The following KSR2 variants were observed in gnomAD, a reference collection of about 807,000 sequenced individuals.
KSR2 encodes kinase suppressor of ras 2.
Under a neutral mutation model 107.8 loss-of-function variants are expected in KSR2, and 25 were observed. That is an observed-to-expected ratio of 0.23 (90% CI 0.17 to 0.32). The LOEUF (loss-of-function observed/expected upper bound fraction) is 0.32, where lower values mean the gene tolerates loss of function less well. KSR2 is among the 10% of genes least tolerant of loss of function. The probability of loss-of-function intolerance (pLI) is 1.00; values close to 1 mark genes in which losing one functional copy is unlikely to be tolerated. For synonymous variants in KSR2, 480 were observed against 507.0 expected (o/e 0.95, Z 0.71); for missense variants, 887 against 1,268.9 (o/e 0.70, Z 4.57).
At chr12:117,543,077 G>A (rs1310636111) in intron 9 of KSR2, among the ~76,000 whole-genome samples, 1 of 152,174 alleles carries the variant, frequency 6.6e-6, no homozygotes, top group East Asian at 1.9e-4. Flanking sequence ...GGATAAAGCT[G>A]CTATAAACAT....
chr12:117,962,540 G>A (rs1173523665), intron 1 of KSR2, among the ~76,000 whole-genome samples: 1 of 151,620 alleles, frequency 6.6e-6, no homozygotes, highest in African/African-American at 2.4e-5. Context: ...CACCTCCCAG[G>A]TTCAAGTGAT....
intron 1 of KSR2, among the ~76,000 whole-genome samples, chr12:117,928,360 T>C (rs943374760): frequency 2.6e-5 from 4 of 152,050 alleles, no homozygotes; most frequent in African/African-American, 7.2e-5. Flanking sequence ...TTTTTTGTAA[T>C]TTTAGTAGAG....
At chr12:117,480,021 CATGTGTATGTGT>C (rs1565865826) in intron 16 of KSR2, among the ~76,000 whole-genome samples, 1 of 108,786 alleles carries the variant, frequency 9.2e-6, no homozygotes, top group African/African-American at 3.4e-5. Context: ...AATCATTACA[CATGTGTATGTGT>C]GTGTGTGTGT....
At chr12:117,895,198 C>T (rs528410215) in intron 1 of KSR2, among the ~76,000 whole-genome samples, 1 of 152,268 alleles carries the variant, frequency 6.6e-6, no homozygotes, top group South Asian at 2.1e-4. Flanking sequence ...GATCACACCA[C>T]TGCACTCCAG....
At chr12:117,523,770 C>T (rs1874924708) in intron 14 of KSR2, among the ~76,000 whole-genome samples, 1 of 152,178 alleles carries the variant, frequency 6.6e-6, no homozygotes, top group Non-Finnish European at 1.5e-5. Context: ...GTCAGGTGAA[C>T]AAGACCAGCC....
At chr12:117,573,833 ATCACACGTTATCATTTGGTC>A (rs1879068522) in intron 7 of KSR2, among the ~76,000 whole-genome samples, 1 of 152,030 alleles carries the variant, frequency 6.6e-6, no homozygotes, top group South Asian at 2.1e-4. Flanking sequence ...CTGGCTCCTA[ATCACACGTTATCATTTGGTC>A]TCATCACACC....
At chr12:117,774,692 T>G (rs1424181513) in intron 3 of KSR2, among the ~76,000 whole-genome samples, 3 of 152,214 alleles carry the variant, frequency 2.0e-5, no homozygotes, top group African/African-American at 7.2e-5. Context: ...ACATTAACCA[T>G]TTCAAAGTAC....
intron 3 of KSR2, among the ~76,000 whole-genome samples, chr12:117,827,428 G>A (rs1394487222): frequency 1.3e-5 from 2 of 152,172 alleles, no homozygotes; most frequent in African/African-American, 4.8e-5. Context: ...CAAACAACCT[G>A]GCTCCAAGAC....
chr12:117,506,830 T>G (rs1185899261), intron 14 of KSR2, among the ~76,000 whole-genome samples: 1 of 152,148 alleles, frequency 6.6e-6, no homozygotes, highest in Non-Finnish European at 1.5e-5. Context: ...TAGATAGATT[T>G]ATTTATATAT....
chr12:117,954,352 C>T (rs140893256), intron 1 of KSR2, among the ~76,000 whole-genome samples: 2 of 152,330 alleles, frequency 1.3e-5, no homozygotes, highest in East Asian at 3.9e-4. Context: ...CAACCCCATA[C>T]TTTGTTATCC....
chr12:117,783,841 T>TA (rs1889968808), intron 3 of KSR2, among the ~76,000 whole-genome samples: 1 of 152,122 alleles, frequency 6.6e-6, no homozygotes, highest in African/African-American at 2.4e-5. Context: ...TTGGGGTTTT[T>TA]ATGTGTGTGT....
chr12:117,859,625 T>G (rs370031222), intron 2 of KSR2, among the ~76,000 whole-genome samples: 1 of 151,350 alleles, frequency 6.6e-6, no homozygotes. Flanking sequence ...CCCGGCTAAT[T>G]TTTGTATTTT....
rs1870906210 is a variant in KSR2 at position 117,461,708 on chromosome 12, CCCCTTGGAGTTCAAAGTGATT to C, written c.*5470_*5490del. The stretch of plus-strand genomic sequence containing the variant: ...AGACTGACATTTGCTGCCTGTCACT[CCCCTTGGAGTTCAAAGTGATT>C]CCCTTGCAGGTGTGTGCAGGTGAGG... On this transcript the variant is annotated 3_prime_UTR_variant, in exon 20 of 20. Coordinates refer to ENST00000339824, the MANE Select transcript of KSR2 (RefSeq NM_173598.6). 1 of 161,496 alleles carries C rather than the reference CCCCTTGGAGTTCAAAGTGATT, an allele frequency of 6.2e-6. No homozygotes were observed. The highest frequency in any genetic ancestry group is 6.2e-5 in the Admixed American group (1 of 16,216). 10.0% of individuals were successfully genotyped at this position (161,496 alleles called of 1,614,324 possible).
chr12:117,609,309 C>A (rs764432798), intron 5 of KSR2, among the ~76,000 whole-genome samples: 24 of 152,144 alleles, frequency 1.6e-4, no homozygotes, highest in Non-Finnish European at 3.1e-4. Flanking sequence ...AGATCAGAAT[C>A]CGTGTACAGT....
At chr12:117,868,651 C>T (rs1290370093) in intron 1 of KSR2, among the ~76,000 whole-genome samples, 3 of 151,904 alleles carry the variant, frequency 2.0e-5, no homozygotes, top group South Asian at 4.2e-4. Flanking sequence ...AGTGCAGAGC[C>T]GAGATTCAAA....
chr12:117,902,644 G>A (rs1407055098), intron 1 of KSR2, among the ~76,000 whole-genome samples: 1 of 152,048 alleles, frequency 6.6e-6, no homozygotes, highest in Non-Finnish European at 1.5e-5. Flanking sequence ...ACCTAATGTA[G>A]GTGATGGGTT....
At chr12:117,840,860 G>C (rs1351317568) in intron 3 of KSR2, among the ~76,000 whole-genome samples, 1 of 152,102 alleles carries the variant, frequency 6.6e-6, no homozygotes, top group African/African-American at 2.4e-5. Flanking sequence ...AAATTAGCTG[G>C]GCATAGTGGT....
intron 5 of KSR2, among the ~76,000 whole-genome samples, chr12:117,610,205 A>C (rs1362753725): frequency 1.3e-5 from 2 of 152,308 alleles, no homozygotes; most frequent in Non-Finnish European, 2.9e-5. Flanking sequence ...TAATTTGGCA[A>C]TATAATTCAA....
intron 1 of KSR2, 30 bp from the exon 2 acceptor site, chr12:117,860,461 A>G: frequency 6.3e-7 from 1 of 1,575,700 alleles, no homozygotes; most frequent in Non-Finnish European, 8.6e-7. Context: ...GACAGAGGAC[A>G]CATCTCAGAG....
Sources: allele counts gnomAD v4.1 joint callset (sites outside exome capture counted in the v4.1 genomes callset), GRCh38; gene constraint gnomAD v4.1.1; transcripts MANE v1.5; gene names NCBI Gene and HGNC (gene_info 2026-07-23, HGNC 2026-07-21).